ELL: variants seen among roughly 807,000 people sequenced by gnomAD.
ELL encodes elongation factor for RNA polymerase II.
In ELL, 18 loss-of-function variants were observed where a neutral mutation model predicts 64.0. The observed-to-expected ratio is 0.28, with a 90% confidence interval of 0.19 to 0.42. ELL has a LOEUF of 0.42. ELL is among the 10% of genes least tolerant of loss of function. The pLI is 1.00. For missense variants in ELL, 797 were observed against 870.4 expected, an observed-to-expected ratio of 0.92 and a Z score of 1.06; for synonymous variants, 399 against 376.2, an observed-to-expected ratio of 1.06 and a Z score of -0.70.
chr19:18,469,434 C>A (rs192521175), intron 2 of ELL, among the ~76,000 whole-genome samples: 2 of 152,198 alleles, frequency 1.3e-5, no homozygotes, highest in Non-Finnish European at 1.5e-5. Context: ...CAAGAGCTTG[C>A]CCGGGTTCTG....
intron 1 of ELL, among the ~76,000 whole-genome samples, chr19:18,485,677 TCA>T (rs1438154016): frequency 2.0e-5 from 3 of 152,054 alleles, no homozygotes; most frequent in African/African-American, 4.8e-5. Context: ...CGTGCCACAT[TCA>T]CAGTCACTGG....
chr19:18,444,844 TCTC>T lies in ELL; in HGVS notation c.1771_1773del (p.Glu591del), dbSNP rs780203810. The T allele has an allele frequency of 6.2e-7, 1 of 1,612,112 alleles. No individual in the cohort carries two copies. The highest frequency in any genetic ancestry group is 8.5e-7 in the Non-Finnish European group (1 of 1,179,914). Reference sequence around the variant, plus strand: ...CTGTGCAGGTACTCGCAGCGGTGCTTCTCCTGGCTGTAGTTGGTGTTGGTCTGT... The same window carrying T: ...CTGTGCAGGTACTCGCAGCGGTGCTTCTGGCTGTAGTTGGTGTTGGTCTGT... On this transcript the variant is annotated inframe_deletion, in exon 12 of 12. Coordinates refer to ENST00000262809, the MANE Select transcript of ELL (RefSeq NM_006532.4).
At chr19:18,453,606 C>T (rs1053847970) in intron 6 of ELL, among the ~76,000 whole-genome samples, 12 of 152,228 alleles carry the variant, frequency 7.9e-5, no homozygotes. Context: ...CGCAGTGGCT[C>T]ACGCCTCTAA....
intron 1 of ELL, among the ~76,000 whole-genome samples, chr19:18,515,034 GGCCT>G (rs1344948120): frequency 6.6e-6 from 1 of 152,226 alleles, no homozygotes. Context: ...GATGAACTAC[GGCCT>G]TGGCCGTGAG....
chr19:18,509,990 G>A (rs1191384378), intron 1 of ELL, among the ~76,000 whole-genome samples: 1 of 152,244 alleles, frequency 6.6e-6, no homozygotes, highest in East Asian at 1.9e-4. Context: ...AGTACCTGCA[G>A]GGCTCAGAAG....
At chr19:18,503,802 C>T (rs1365387779) in intron 1 of ELL, among the ~76,000 whole-genome samples, 1 of 152,182 alleles carries the variant, frequency 6.6e-6, no homozygotes, top group Non-Finnish European at 1.5e-5. Context: ...CTCAGGGAGC[C>T]TTCCCTGCTG....
intron 1 of ELL, among the ~76,000 whole-genome samples, chr19:18,477,662 C>G (rs1191248496): frequency 6.6e-6 from 1 of 152,074 alleles, no homozygotes; most frequent in Admixed American, 6.5e-5. Context: ...ATTCCATGCC[C>G]AGTGAAAAGA....
At chr19:18,455,373 C>T (rs1974643720) in intron 6 of ELL, among the ~76,000 whole-genome samples, 1 of 151,202 alleles carries the variant, frequency 6.6e-6, no homozygotes, top group Admixed American at 6.6e-5. Context: ...CACCTGTAAT[C>T]CCAGCTACTC....
Position 18,465,401 on chromosome 19 carries a change from C to T in ELL, c.469+11G>A. ...CGGCTGCCCTACAGCCCTGCCAAAC[C>T]CACTGCTCACCCAGGTAGCGGCCTC... On this transcript the variant is annotated intron_variant, in intron 4 of 11. Coordinates refer to ENST00000262809, the MANE Select transcript of ELL (RefSeq NM_006532.4). The T allele has an allele frequency of 6.3e-7, 1 of 1,587,296 alleles. No individual in the cohort carries two copies. Among genetic ancestry groups the T allele is most frequent in the Non-Finnish European group, 8.6e-7 (1 of 1,162,844 alleles).
rs932092328 is a variant in ELL, at chr19:18,494,655, T to A, written c.136-21773A>T. On this transcript the variant is annotated intron_variant, in intron 1 of 11. Coordinates refer to ENST00000262809, the MANE Select transcript of ELL (RefSeq NM_006532.4). ...ATCCGCCCACCTTGGCCTCCCAAAG[T>A]GCTGGGATTGCAGGCATATGAGCCA... is the stretch of plus-strand genomic sequence containing the variant. Among the ~76,000 whole-genome samples, 11 of 152,272 alleles carry A rather than the reference T, an allele frequency of 7.2e-5. No individual in the cohort carries two copies. The South Asian group carries it at 2.3e-3, about 32-fold the overall frequency.
chr19:18,451,530 AC>A, intron 7 of ELL, 21 bp downstream of exon 7: 2 of 1,454,066 alleles, frequency 1.4e-6, no homozygotes, highest in Non-Finnish European at 1.8e-6. Flanking sequence ...TGGGACAGTC[AC>A]CCCAGGCATG....
chr19:18,450,391 G>A, intron 8 of ELL, 86 bp downstream of exon 8: 5 of 1,540,772 alleles, frequency 3.2e-6, no homozygotes, highest in Non-Finnish European at 3.5e-6. Context: ...TCTACAGCTT[G>A]AGCCCCCTCG....
At chr19:18,447,783 C>A (rs1416754499) in intron 8 of ELL, among the ~76,000 whole-genome samples, 2 of 151,762 alleles carry the variant, frequency 1.3e-5, no homozygotes, top group East Asian at 3.9e-4. Flanking sequence ...ATCCTCAATA[C>A]ACTTTTTTTT....
At chr19:18,465,765 GC>G in intron 3 of ELL, 31 bp downstream of exon 3, 1 of 1,424,780 alleles carries the variant, frequency 7.0e-7, no homozygotes, top group Non-Finnish European at 9.2e-7. Context: ...TCAAGAGCCG[GC>G]GGGGTGCTCT....
intron 1 of ELL, among the ~76,000 whole-genome samples, chr19:18,507,281 C>A (rs1247483351): frequency 1.3e-5 from 2 of 152,248 alleles, no homozygotes; most frequent in Non-Finnish European, 2.9e-5. Context: ...AGGGTCACAC[C>A]CAACTCTGAA....
intron 1 of ELL, among the ~76,000 whole-genome samples, chr19:18,507,396 A>G (rs1331795039): frequency 6.6e-6 from 1 of 152,256 alleles, no homozygotes; most frequent in Non-Finnish European, 1.5e-5. Flanking sequence ...CTGCTCAGGA[A>G]GTCCTCCTCT....
rs1233014234 is a variant in ELL at position 18,450,916 on chromosome 19, C to T, written c.1026G>A (p.Ser342=). 6 of 1,546,578 alleles carry T rather than the reference C, an allele frequency of 3.9e-6. No individual in the cohort carries two copies. Among genetic ancestry groups the T allele is most frequent in the Non-Finnish European group, 5.2e-6 (6 of 1,146,974 alleles). The change falls in exon 8 of 12, where the codon TCG becomes TCA. Residue 342 remains serine, a synonymous_variant. Coordinates refer to ENST00000262809, the MANE Select transcript of ELL (RefSeq NM_006532.4). ...DPLANKKPRI[S]HFTQRAQPAV... The stretch of plus-strand genomic sequence containing the variant: ...CAGGCTGAGCTCTCTGAGTGAAGTG[C>T]GATATCCGGGGTTTCTTGTTGGCTA...
At chr19:18,466,867 G>A (rs946729675) in intron 2 of ELL, among the ~76,000 whole-genome samples, 1 of 152,162 alleles carries the variant, frequency 6.6e-6, no homozygotes, top group Non-Finnish European at 1.5e-5. Context: ...TGGCACCCAA[G>A]CCCCGTCTCC....
intron 9 of ELL, 118 bp downstream of exon 9, chr19:18,446,630 G>T: frequency 1.3e-6 from 2 of 1,497,382 alleles, no homozygotes; most frequent in Non-Finnish European, 1.8e-6. Flanking sequence ...TGCTATGTTT[G>T]GAATTCACAT....
Sources: gnomAD v4.1 joint callset for allele counts (sites outside exome capture counted in the v4.1 genomes callset) on GRCh38, gnomAD v4.1.1 for gene constraint, MANE v1.5 for transcripts, NCBI Gene and HGNC (gene_info 2026-07-23, HGNC 2026-07-21) for gene names.